Variants in KDM4C observed in about 807,000 individuals in gnomAD.
KDM4C encodes the protein lysine demethylase 4C, also known as lysine-specific demethylase 4C.
Under a neutral mutation model 129.3 loss-of-function variants are expected in KDM4C, and 81 were observed. The ratio of observed to expected loss-of-function variants is 0.63; its 90% CI spans 0.52 to 0.75. KDM4C has a LOEUF of 0.75. Ranked by LOEUF, KDM4C falls within the 30% of genes least tolerant of loss-of-function variation. The pLI, the probability that KDM4C is intolerant of heterozygous loss-of-function variation, is 0.00. For missense variants in KDM4C, 1,457 were observed against 1,304.0 expected (o/e 1.12, Z -1.81); for synonymous variants, 573 against 456.1 (o/e 1.26, Z -3.26).
intron 5 of KDM4C, among the ~76,000 whole-genome samples, chr9:6,863,087 C>T (rs1841258916): frequency 6.6e-6 from 1 of 151,850 alleles, no homozygotes; most frequent in African/African-American, 2.4e-5. Context: ...ATATCTGTTA[C>T]CTTAAATATT....
chr9:6,880,723 A>G (rs571305831), intron 6 of KDM4C, among the ~76,000 whole-genome samples: 2 of 152,260 alleles, frequency 1.3e-5, no homozygotes, highest in South Asian at 2.1e-4. Flanking sequence ...CTGGACCTCT[A>G]TTGATGATCC....
intron 3 of KDM4C, among the ~76,000 whole-genome samples, chr9:6,811,413 A>G (rs1378795472): frequency 1.3e-5 from 2 of 152,136 alleles, no homozygotes; most frequent in East Asian, 3.9e-4. Context: ...CGGCTTCCCA[A>G]AGTGCTGGGA....
chr9:6,838,246 A>G (rs1056239561), intron 4 of KDM4C, among the ~76,000 whole-genome samples: 1 of 152,160 alleles, frequency 6.6e-6, no homozygotes, highest in African/African-American at 2.4e-5. Context: ...AGACAACTCA[A>G]TATTAGTGGT....
chr9:6,754,933 A>G (rs1024110408), upstream of KDM4C, among the ~76,000 whole-genome samples: 2 of 151,242 alleles, frequency 1.3e-5, no homozygotes, highest in African/African-American at 2.4e-5. Flanking sequence ...CATTATATAT[A>G]TTTTAAGAAA....
chr9:7,083,706 GACTGA>G, intron 17 of KDM4C, among the ~76,000 whole-genome samples: 1 of 87,598 alleles, frequency 1.1e-5, no homozygotes, highest in Non-Finnish European at 2.3e-5. Context: ...TGTAGCACAT[GACTGA>G]TGTGTGTGTG....
chr9:7,057,033 G>T (rs913830529), intron 17 of KDM4C, among the ~76,000 whole-genome samples: 1 of 152,148 alleles, frequency 6.6e-6, no homozygotes, highest in Admixed American at 6.5e-5. Context: ...GGAAAGGTAC[G>T]GTCATTATTG....
intron 8 of KDM4C, among the ~76,000 whole-genome samples, chr9:6,964,731 G>A (rs1284336592): frequency 3.6e-5 from 5 of 138,538 alleles, no homozygotes; most frequent in East Asian, 2.5e-4. Flanking sequence ...GCAGTGAGCC[G>A]AGATCACGCC....
At chr9:6,858,873 C>A (rs1319632602) in intron 5 of KDM4C, among the ~76,000 whole-genome samples, 5 of 150,700 alleles carry the variant, frequency 3.3e-5, no homozygotes, top group Non-Finnish European at 5.9e-5. Context: ...TTTTCACACA[C>A]TACTTAATGT....
At chr9:7,083,919 T>G (rs1834827631) in intron 17 of KDM4C, among the ~76,000 whole-genome samples, 1 of 152,100 alleles carries the variant, frequency 6.6e-6, no homozygotes, top group Non-Finnish European at 1.5e-5. Flanking sequence ...ATCCTATGAG[T>G]AAAAACATTA....
intron 4 of KDM4C, among the ~76,000 whole-genome samples, chr9:6,829,159 G>A (rs1207531422): frequency 6.6e-6 from 1 of 152,208 alleles, no homozygotes; most frequent in African/African-American, 2.4e-5. Flanking sequence ...CACTATACAG[G>A]CAGAAGCCTG....
At chr9:7,121,565 G>A (rs1199541512) in intron 18 of KDM4C, among the ~76,000 whole-genome samples, 1 of 152,174 alleles carries the variant, frequency 6.6e-6, no homozygotes, top group Non-Finnish European at 1.5e-5. Flanking sequence ...ATGTGGAAAC[G>A]GGGAGGAGTG....
chr9:6,938,310 C>T (rs1057303968), intron 8 of KDM4C, among the ~76,000 whole-genome samples: 5 of 151,868 alleles, frequency 3.3e-5, no homozygotes, highest in Non-Finnish European at 5.9e-5. Context: ...TGGTATAAGC[C>T]CCATTTCCAG....
At chr9:7,167,524 T>A (rs1844513007) in intron 20 of KDM4C, among the ~76,000 whole-genome samples, 1 of 152,216 alleles carries the variant, frequency 6.6e-6, no homozygotes, top group South Asian at 2.1e-4. Context: ...GTTAAAGAAA[T>A]GTTTCTGCTC....
At chr9:6,857,545 A>G (rs919451881) in intron 5 of KDM4C, among the ~76,000 whole-genome samples, 6 of 152,132 alleles carry the variant, frequency 3.9e-5, no homozygotes, top group African/African-American at 1.2e-4. Context: ...CCCTAAAGGA[A>G]CCATCCAGGA....
In KDM4C at chr9:6,780,079, T is replaced by G. The variant is rs568658819; in HGVS notation, c.-17-12893T>G. 2.4e-3 allele frequency among the ~76,000 whole-genome samples: 370 copies of G among 152,280 alleles called. 2 individuals are homozygous for G. The highest frequency in any genetic ancestry group is 8.6e-3 in the African/African-American group (357 of 41,564). On this transcript the variant is annotated intron_variant, in intron 1 of 21. Coordinates refer to ENST00000381309, the MANE Select transcript of KDM4C (RefSeq NM_015061.6). ...CAGATAAGGGATACCATACATTCTCTCTAAAGAACACCACTGACCTCACAC... is the reference window on the plus strand; with the variant it reads ...CAGATAAGGGATACCATACATTCTCGCTAAAGAACACCACTGACCTCACAC...
rs1392504269 is a variant in KDM4C at position 7,175,037 on chromosome 9, C to T, written c.*308C>T. ...CACCCACAAGGAAAAGCCACTGCCA[C>T]AGAGGAGGCGGGTCCCCTTGTGCGG... On this transcript the variant is annotated 3_prime_UTR_variant, in exon 22 of 22. Transcript: ENST00000381309. The T allele has an allele frequency of 8.6e-6, 2 of 231,552 alleles. No individual in the cohort carries two copies. The highest frequency in any genetic ancestry group is 8.2e-5 in the East Asian group (1 of 12,212). 14.3% of individuals were successfully genotyped at this position (231,552 alleles called of 1,614,324 possible).
intron 21 of KDM4C, chr9:7,170,841 A>G (rs1844881777): frequency 1.2e-6 from 1 of 836,878 alleles, no homozygotes; most frequent in Admixed American, 6.3e-5. Context: ...ATCTTTTTGC[A>G]TCCCTGGGCC....
rs200468678 is a variant in KDM4C at position 6,738,135 on chromosome 9, A to AAAACTAAACTAAACTAAACT, written c.49+17167_49+17186dup. 6.1e-3 allele frequency among the ~76,000 whole-genome samples: 862 copies of AAAACTAAACTAAACTAAACT among 142,300 alleles called. 11 individuals carry two copies. The highest frequency in any genetic ancestry group is 0.02 in the African/African-American group (773 of 37,900). 93.4% of individuals were successfully genotyped at this position (142,300 alleles called of 152,430 possible). On this transcript the variant is annotated intron_variant, in intron 1 of 17. Coordinates refer to the KDM4C transcript ENST00000536108. ...GCAACAAGACCAAAACTCCCTCTCAAAAACTAAACTAAACTAAACTAAACT... is the reference window on the plus strand; with the variant it reads ...GCAACAAGACCAAAACTCCCTCTCAAAAACTAAACTAAACTAAACTAAACTAAACTAAACTAAACTAAACT...
intron 1 of KDM4C, among the ~76,000 whole-genome samples, chr9:6,782,073 C>T (rs1037339676): frequency 6.6e-6 from 1 of 152,168 alleles, no homozygotes; most frequent in Non-Finnish European, 1.5e-5. Context: ...GATCTGTCCA[C>T]CTCGGTCTCC....
Sources: gnomAD v4.1 joint callset for allele counts (sites outside exome capture counted in the v4.1 genomes callset) on GRCh38, gnomAD v4.1.1 for gene constraint, MANE v1.5 for transcripts, NCBI Gene and HGNC (gene_info 2026-07-23, HGNC 2026-07-21) for gene names.